PDE1A: variants seen among roughly 807,000 people sequenced by gnomAD.
PDE1A encodes the protein dual specificity calcium/calmodulin-dependent 3',5'-cyclic nucleotide phosphodiesterase 1A.
PDE1A carries 35 observed loss-of-function variants against 61.7 expected under a neutral mutation model. The ratio of observed to expected loss-of-function variants is 0.57; its 90% CI spans 0.43 to 0.75. PDE1A has a LOEUF of 0.75. Among genes scored for constraint, PDE1A ranks in the 30% least tolerant of loss-of-function variants. The probability of loss-of-function intolerance (pLI) is 0.00; values close to 1 mark genes in which losing one functional copy is unlikely to be tolerated. For synonymous variants in PDE1A, 232 were observed against 213.2 expected, an observed-to-expected ratio of 1.09 and a Z score of -0.77; for missense variants, 597 against 630.6, an observed-to-expected ratio of 0.95 and a Z score of 0.57.
intron 1 of PDE1A, among the ~76,000 whole-genome samples, chr2:182,320,988 G>C (rs1173938064): frequency 6.6e-6 from 1 of 152,070 alleles, no homozygotes; most frequent in Non-Finnish European, 1.5e-5. Context: ...ATTTACTAAT[G>C]TATCTATTTA....
intron 1 of PDE1A, among the ~76,000 whole-genome samples, chr2:182,350,941 T>C (rs1212879715): frequency 1.3e-5 from 2 of 152,236 alleles, no homozygotes; most frequent in Non-Finnish European, 2.9e-5. Context: ...AGAAAGGCTC[T>C]AGTTGTTACC....
chr2:182,309,138 A>G (rs926059308), intron 1 of PDE1A, among the ~76,000 whole-genome samples: 4 of 152,012 alleles, frequency 2.6e-5, no homozygotes, highest in African/African-American at 9.7e-5. Flanking sequence ...AAAAAGTTGG[A>G]TATGATTTTT....
chr2:182,228,226 C>T (rs1689293094), intron 6 of PDE1A, among the ~76,000 whole-genome samples: 1 of 152,200 alleles, frequency 6.6e-6, no homozygotes, highest in South Asian at 2.1e-4. Flanking sequence ...ATCAACTCTC[C>T]TCGGCATTGT....
At chr2:182,171,500 T>C (rs930625080) in intron 13 of PDE1A, among the ~76,000 whole-genome samples, 3 of 151,750 alleles carry the variant, frequency 2.0e-5, no homozygotes, top group Non-Finnish European at 4.4e-5. Context: ...AGAAGAGAGA[T>C]AGATAGAGAC....
At chr2:182,479,247 T>C (rs1687558298) in intron 2 of PDE1A, among the ~76,000 whole-genome samples, 2 of 151,892 alleles carry the variant, frequency 1.3e-5, no homozygotes, top group African/African-American at 4.8e-5. Flanking sequence ...AAATCAGCAA[T>C]TGTAGGCATC....
chr2:182,567,887 G>A, the PDE1A span, among the ~76,000 whole-genome samples: 1 of 150,810 alleles, frequency 6.6e-6, no homozygotes, highest in Non-Finnish European at 1.5e-5. Flanking sequence ...CTGCCTCCCG[G>A]GTTCAAGCAA....
rs536013674 is a variant in PDE1A, at chr2:182,457,090, C to A, written c.101+65186G>T. On this transcript the variant is annotated intron_variant, in intron 2 of 14. Transcript: ENST00000410103. ...TGGACTGATTAAGTTGGTACACGTT[C>A]CCTTTCTTGTTAGGATGCATACACG... Among the ~76,000 whole-genome samples, 27 of 152,158 alleles carry A rather than the reference C, an allele frequency of 1.8e-4. No homozygotes were observed. The East Asian group carries it at 1.9e-3, about 11-fold the overall frequency.
chr2:182,384,393 T>C (rs1330223312), intron 1 of PDE1A, among the ~76,000 whole-genome samples: 1 of 149,710 alleles, frequency 6.7e-6, no homozygotes, highest in Non-Finnish European at 1.5e-5. Flanking sequence ...TCAGGATATA[T>C]GAAAAATGAT....
intron 1 of PDE1A, among the ~76,000 whole-genome samples, chr2:182,386,028 T>G (rs1701052932): frequency 6.6e-6 from 1 of 152,164 alleles, no homozygotes; most frequent in Non-Finnish European, 1.5e-5. Flanking sequence ...CCTGACTGTG[T>G]TTTTTTGGTG....
chr2:182,456,582 T>C (rs879311192), intron 2 of PDE1A, among the ~76,000 whole-genome samples: 4 of 152,056 alleles, frequency 2.6e-5, no homozygotes, highest in Non-Finnish European at 5.9e-5. Flanking sequence ...ATTGAAACAA[T>C]TGAACCAATC....
At chr2:182,691,123 C>T in the PDE1A span, among the ~76,000 whole-genome samples, 7 of 152,304 alleles carry the variant, frequency 4.6e-5, no homozygotes, top group South Asian at 1.4e-3. Context: ...TTTATAGATT[C>T]AATGCCATCC....
At chr2:182,573,537 T>C in the PDE1A span, among the ~76,000 whole-genome samples, 1 of 152,012 alleles carries the variant, frequency 6.6e-6, no homozygotes, top group African/African-American at 2.4e-5. Flanking sequence ...CAAAATGCAA[T>C]GCAGGAATCT....
intron 2 of PDE1A, among the ~76,000 whole-genome samples, chr2:182,250,744 A>G (rs1405920606): frequency 6.6e-6 from 1 of 152,112 alleles, no homozygotes; most frequent in Non-Finnish European, 1.5e-5. Context: ...CAAAAGGCAA[A>G]TCTTGGCGTA....
chr2:182,583,229 G>A, the PDE1A span, among the ~76,000 whole-genome samples: 6 of 152,140 alleles, frequency 3.9e-5, no homozygotes, highest in East Asian at 1.9e-4. Context: ...CAGCTATTAC[G>A]CATTTAATAA....
intron 1 of PDE1A, among the ~76,000 whole-genome samples, chr2:182,409,027 G>A (rs1036950447): frequency 6.6e-6 from 1 of 152,138 alleles, no homozygotes; most frequent in Non-Finnish European, 1.5e-5. Flanking sequence ...AGCTCCTTGG[G>A]CTCCAGCTTC....
downstream of PDE1A, among the ~76,000 whole-genome samples, chr2:182,143,933 A>G (rs1479787052): frequency 6.6e-6 from 1 of 152,138 alleles, no homozygotes; most frequent in Non-Finnish European, 1.5e-5. Context: ...CAATTCCAGT[A>G]AAAACTCTGG....
chr2:182,529,279 G>GT, the PDE1A span, among the ~76,000 whole-genome samples: 1 of 152,206 alleles, frequency 6.6e-6, no homozygotes, highest in Non-Finnish European at 1.5e-5. Context: ...GAGACATGGA[G>GT]TCAAAGGAGA....
At chr2:182,307,071 A>T (rs918557629) in intron 1 of PDE1A, among the ~76,000 whole-genome samples, 7 of 152,232 alleles carry the variant, frequency 4.6e-5, no homozygotes, top group Admixed American at 1.3e-4. Flanking sequence ...TAATATGTAT[A>T]ATATAAAAGG....
At chr2:182,692,181 C>T in the PDE1A span, among the ~76,000 whole-genome samples, 1 of 152,044 alleles carries the variant, frequency 6.6e-6, no homozygotes, top group Non-Finnish European at 1.5e-5. Flanking sequence ...TAGGTATGTA[C>T]CCAAAGGAAT....
Sources: gnomAD v4.1 joint callset for allele counts (sites outside exome capture counted in the v4.1 genomes callset) on GRCh38, gnomAD v4.1.1 for gene constraint, MANE v1.5 for transcripts, NCBI Gene and HGNC (gene_info 2026-07-23, HGNC 2026-07-21) for gene names.